COL25A1: variants seen among roughly 807,000 people sequenced by gnomAD.
The protein encoded by COL25A1 is collagen type XXV alpha 1 chain.
A neutral mutation model predicts 128.4 loss-of-function variants in COL25A1; 103 were observed. The ratio of observed to expected loss-of-function variants is 0.80; its 90% CI spans 0.68 to 0.94. The LOEUF (loss-of-function observed/expected upper bound fraction) is 0.94, where lower values mean the gene tolerates loss of function less well. Ranked by LOEUF, COL25A1 falls within the 40% of genes least tolerant of loss-of-function variation. COL25A1 has a pLI of 0.00. For missense variants in COL25A1, 745 were observed against 840.0 expected, an observed-to-expected ratio of 0.89 and a Z score of 1.40; for synonymous variants, 279 against 277.2, an observed-to-expected ratio of 1.01 and a Z score of -0.06.
intron 16 of COL25A1, among the ~76,000 whole-genome samples, chr4:108,895,065 C>G (rs1280659964): frequency 6.6e-6 from 1 of 152,064 alleles, no homozygotes; most frequent in Non-Finnish European, 1.5e-5. Flanking sequence ...GTCAATAATG[C>G]TGAGGTTGAG....
intron 6 of COL25A1, among the ~76,000 whole-genome samples, chr4:108,976,571 AT>A (rs140868441): frequency 0.018 from 2,695 of 152,328 alleles, 62 homozygotes; most frequent in East Asian, 0.067. Flanking sequence ...GAGCTGGAGC[AT>A]TTCAGAGTCA....
intron 3 of COL25A1, among the ~76,000 whole-genome samples, chr4:109,070,822 T>G (rs944690447): frequency 6.6e-5 from 10 of 151,880 alleles, no homozygotes; most frequent in Admixed American, 2.0e-4. Context: ...TGCTGAGAAT[T>G]ATGGTTTCCA....
In COL25A1 at chr4:108,933,851, GACACAC is replaced by G. The variant is rs3065581; in HGVS notation, c.708+3951_708+3956del. The stretch of plus-strand genomic sequence containing the variant: ...CTCCCTACCAGATTTCAAGTTCACA[GACACAC>G]ACACACACACACACACACACAATGT... On this transcript the variant is annotated intron_variant, in intron 11 of 37. Transcript: ENST00000399132. 1.8e-3 allele frequency among the ~76,000 whole-genome samples: 273 copies of G among 148,770 alleles called. 3 individuals carry two copies. The highest frequency in any genetic ancestry group is 6.4e-3 in the African/African-American group (259 of 40,360).
rs1271683280 is a variant in COL25A1 at position 109,019,373 on chromosome 4, C to CATATATATATATATATATATATATATAT, written c.421-8999_421-8998insATATATATATATATATATATATATATAT. Among the ~76,000 whole-genome samples, 68 of 31,824 alleles carry CATATATATATATATATATATATATATAT rather than the reference C, an allele frequency of 2.1e-3. 1 individual carries two copies. Among genetic ancestry groups the CATATATATATATATATATATATATATAT allele is most frequent in the African/African-American group, 5.9e-3 (19 of 3,232 alleles). The allele number at this position is 31,824 out of a possible 152,430, so 20.9% of individuals were successfully genotyped here. A position where few individuals can be genotyped will look rare whatever the true frequency, so the allele number is the denominator to read the frequency against. On this transcript the variant is annotated intron_variant, in intron 5 of 37. Coordinates refer to ENST00000399132, the MANE Select transcript of COL25A1 (RefSeq NM_198721.4). ...ATACACACACACACACACACACACA[C>CATATATATATATATATATATATATATAT]ACATATATATATATATATATATATA... is the stretch of plus-strand genomic sequence containing the variant.
At chr4:109,167,729 C>T (rs1047383032) in intron 3 of COL25A1, among the ~76,000 whole-genome samples, 1 of 151,962 alleles carries the variant, frequency 6.6e-6, no homozygotes, top group African/African-American at 2.4e-5. Flanking sequence ...AGCCCACTGA[C>T]AAGATGAATG....
In COL25A1 at chr4:108,810,862, G is replaced by A. The variant is rs1730740520; in HGVS notation, c.*3065C>T. Reference sequence around the variant, plus strand: ...ATGATTTAGGAATGCTATTAAACAGGGAAATAAAATTATCCATAGTAGTTG... The same window carrying A: ...ATGATTTAGGAATGCTATTAAACAGAGAAATAAAATTATCCATAGTAGTTG... On this transcript the variant is annotated 3_prime_UTR_variant, in exon 38 of 38. Coordinates refer to ENST00000399132, the MANE Select transcript of COL25A1 (RefSeq NM_198721.4). The A allele has an allele frequency of 6.6e-6, 1 of 151,620 alleles. No homozygotes were observed. Among genetic ancestry groups the A allele is most frequent in the Admixed American group, 6.6e-5 (1 of 15,228 alleles). 9.4% of individuals were successfully genotyped at this position (151,620 alleles called of 1,614,324 possible). A position where few individuals can be genotyped will look rare whatever the true frequency, so the allele number is the denominator to read the frequency against.
At chr4:109,227,923 T>G (rs1437668098) in intron 3 of COL25A1, among the ~76,000 whole-genome samples, 1 of 152,086 alleles carries the variant, frequency 6.6e-6, no homozygotes, top group South Asian at 2.1e-4. Context: ...CAGTTCACAT[T>G]TGAACGCCTC....
At chr4:109,276,705 T>C (rs919323963) in intron 3 of COL25A1, among the ~76,000 whole-genome samples, 1 of 152,050 alleles carries the variant, frequency 6.6e-6, no homozygotes, top group African/African-American at 2.4e-5. Context: ...TAGGCAGGAA[T>C]TGCTCTGTAC....
chr4:108,905,676 A>T (rs1160113779), intron 13 of COL25A1, among the ~76,000 whole-genome samples: 3 of 152,048 alleles, frequency 2.0e-5, no homozygotes. Context: ...TTAAACTATA[A>T]AATTATTTAA....
chr4:109,277,482 T>C (rs1722954967), intron 3 of COL25A1, among the ~76,000 whole-genome samples: 1 of 152,156 alleles, frequency 6.6e-6, no homozygotes, highest in Non-Finnish European at 1.5e-5. Flanking sequence ...TTCTTCAGTT[T>C]TGAAACAGAT....
intron 13 of COL25A1, among the ~76,000 whole-genome samples, chr4:108,910,480 G>C (rs538750578): frequency 1.3e-5 from 2 of 152,254 alleles, no homozygotes; most frequent in East Asian, 3.9e-4. Flanking sequence ...ATTAAACTTA[G>C]AGGTAAACAT....
At chr4:109,149,942 A>ATG (rs113005218) in intron 3 of COL25A1, among the ~76,000 whole-genome samples, 89 of 148,768 alleles carry the variant, frequency 6.0e-4, no homozygotes, top group South Asian at 3.4e-3. Context: ...ATGTGTATGT[A>ATG]TGTGTGTGTG....
intron 3 of COL25A1, among the ~76,000 whole-genome samples, chr4:109,079,253 C>T (rs1763634077): frequency 6.6e-6 from 1 of 152,112 alleles, no homozygotes; most frequent in South Asian, 2.1e-4. Context: ...TTTCAGTGTC[C>T]AGACAGATTT....
At chr4:108,856,201 G>T (rs1175457012) in intron 24 of COL25A1, among the ~76,000 whole-genome samples, 1 of 152,156 alleles carries the variant, frequency 6.6e-6, no homozygotes, top group Non-Finnish European at 1.5e-5. Flanking sequence ...AACAGGTTTA[G>T]TTTAGATGGC....
At position 108,869,194 on chromosome 4, in the gene COL25A1, A is replaced by G. The variant is rs1053341401; in HGVS notation, c.1021-44T>C. Reference sequence around the variant, plus strand: ...ATGAGATCATTAATCATTTGACAATAAATAAATAAATAAATAAATAAATAA... The same window carrying G: ...ATGAGATCATTAATCATTTGACAATGAATAAATAAATAAATAAATAAATAA... On this transcript the variant is annotated intron_variant, in intron 19 of 37. Transcript: ENST00000399132. 1.0e-4 allele frequency: 60 copies of G among 571,768 alleles called. 1 individual carries two copies. Among genetic ancestry groups the G allele is most frequent in the Non-Finnish European group, 1.5e-4 (58 of 374,860 alleles). The allele number at this position is 571,768 out of a possible 1,614,324, so 35.4% of individuals were successfully genotyped here. A position where few individuals can be genotyped will look rare whatever the true frequency, so the allele number is the denominator to read the frequency against.
At chr4:108,940,031 T>C (rs905268637) in intron 10 of COL25A1, among the ~76,000 whole-genome samples, 6 of 152,210 alleles carry the variant, frequency 3.9e-5, no homozygotes, top group African/African-American at 9.7e-5. Flanking sequence ...TCACGTTATT[T>C]ATAAGGGATT....
At chr4:108,906,873 A>AT (rs1175789456) in intron 13 of COL25A1, among the ~76,000 whole-genome samples, 28 of 152,186 alleles carry the variant, frequency 1.8e-4, no homozygotes, top group African/African-American at 6.3e-4. Flanking sequence ...GAATGAATGA[A>AT]TATAGGAGAA....
chr4:109,291,933 T>C (rs1452837713), intron 3 of COL25A1, among the ~76,000 whole-genome samples: 2 of 152,136 alleles, frequency 1.3e-5, no homozygotes, highest in South Asian at 2.1e-4. Flanking sequence ...AAAGAGATGA[T>C]ATTATATGAA....
chr4:109,155,302 C>T (rs1380493927), intron 3 of COL25A1, among the ~76,000 whole-genome samples: 7 of 152,290 alleles, frequency 4.6e-5, no homozygotes, highest in Admixed American at 4.6e-4. Flanking sequence ...ATCCCCCAGG[C>T]TGTTGGGAAA....
Sources: allele counts gnomAD v4.1 joint callset (sites outside exome capture counted in the v4.1 genomes callset), GRCh38; gene constraint gnomAD v4.1.1; transcripts MANE v1.5; gene names NCBI Gene and HGNC (gene_info 2026-07-23, HGNC 2026-07-21).